The following LYPD6 variants were observed in gnomAD, a reference collection of about 807,000 sequenced individuals.
LYPD6 encodes LY6/PLAUR domain containing 6.
LYPD6 carries 15 observed loss-of-function variants against 22.7 expected under a neutral mutation model. The ratio of observed to expected loss-of-function variants is 0.66; its 90% CI spans 0.44 to 1.02. LYPD6 has a LOEUF of 1.02. LYPD6 is among the 50% of genes least tolerant of loss of function. LYPD6 has a pLI of 0.00. For synonymous variants in LYPD6, 72 were observed against 77.5 expected, an observed-to-expected ratio of 0.93 and a Z score of 0.37; for missense variants, 189 against 208.4, an observed-to-expected ratio of 0.91 and a Z score of 0.57.
At chr2:149,435,256 T>C (rs1683404874) in intron 1 of LYPD6, among the ~76,000 whole-genome samples, 1 of 152,222 alleles carries the variant, frequency 6.6e-6, no homozygotes, top group Non-Finnish European at 1.5e-5. Flanking sequence ...AGCCCCCCAG[T>C]CTATGGTATT....
intron 3 of LYPD6, among the ~76,000 whole-genome samples, chr2:149,461,056 G>A (rs2105174779): frequency 6.6e-6 from 1 of 151,920 alleles, no homozygotes; most frequent in Admixed American, 6.6e-5. Flanking sequence ...CACACATCAA[G>A]AAGATGAAAA....
chr2:149,430,216 C>T (rs902678556), intron 1 of LYPD6, among the ~76,000 whole-genome samples: 1 of 152,212 alleles, frequency 6.6e-6, no homozygotes, highest in South Asian at 2.1e-4. Context: ...TCTCCTGCCT[C>T]AGCATCTGGA....
rs1410820411 is a variant in LYPD6, at chr2:149,449,075, TG to T, written c.146del (p.Cys49PhefsTer98). The T allele has an allele frequency of 4.3e-6, 7 of 1,613,470 alleles. No homozygotes were observed. The African/African-American group carries it at 9.3e-5, about 22-fold the overall frequency. On this transcript the variant is annotated frameshift_variant, in exon 3 of 5. Coordinates refer to ENST00000334166, the MANE Select transcript of LYPD6 (RefSeq NM_194317.5). LOFTEE classifies it high-confidence loss of function. ...STTPYPGGFK[C>X]FTCEKAADNY... ...CACACCATATCCTGGTGGATTTAAA[TG>T]TTTCACCTGTGAAAAGGCAGCAGAC...
intron 1 of LYPD6, among the ~76,000 whole-genome samples, chr2:149,373,185 C>T (rs1293716481): frequency 6.6e-6 from 1 of 151,994 alleles, no homozygotes; most frequent in Non-Finnish European, 1.5e-5. Context: ...CCCAGGAGTC[C>T]TATAGGAGCA....
At chr2:149,408,635 G>C (rs373715890) in intron 1 of LYPD6, among the ~76,000 whole-genome samples, 1 of 152,052 alleles carries the variant, frequency 6.6e-6, no homozygotes, top group African/African-American at 2.4e-5. Flanking sequence ...TGACAGATTG[G>C]GTTAATTTGA....
At chr2:149,401,240 C>A (rs1285544858) in intron 1 of LYPD6, among the ~76,000 whole-genome samples, 1 of 152,186 alleles carries the variant, frequency 6.6e-6, no homozygotes, top group Non-Finnish European at 1.5e-5. Flanking sequence ...TTTCCACTTA[C>A]ATCTCATTGG....
At chr2:149,449,003 G>A in intron 2 of LYPD6, 46 bp from the exon 3 acceptor site, 1 of 1,383,474 alleles carries the variant, frequency 7.2e-7, no homozygotes, top group Non-Finnish European at 1.0e-6. Flanking sequence ...ACAGGATTCT[G>A]TGCCTTGTCT....
At chr2:149,480,645 T>C in the LYPD6 span, among the ~76,000 whole-genome samples, 1 of 152,156 alleles carries the variant, frequency 6.6e-6, no homozygotes, top group Non-Finnish European at 1.5e-5. Flanking sequence ...GCCAGGACCA[T>C]TGTCTGCTTT....
At chr2:149,437,976 G>A in intron 2 of LYPD6, 150 bp downstream of exon 2, 1 of 924,084 alleles carries the variant, frequency 1.1e-6, no homozygotes, top group Non-Finnish European at 1.6e-6. Context: ...GATGTTTTAT[G>A]CTTTACCCTC....
At position 149,357,475 on chromosome 2, in the gene LYPD6, G is replaced by A. The variant is rs183355115; in HGVS notation, c.-72+26753G>A. On this transcript the variant is annotated intron_variant, in intron 1 of 4. Coordinates refer to ENST00000334166, the MANE Select transcript of LYPD6 (RefSeq NM_194317.5). ...TCAGTAATGATCATATTCCCTGAGA[G>A]CTGTTTCTCTGGGCCTGTTGACTGA... 4.6e-5 allele frequency among the ~76,000 whole-genome samples: 7 copies of A among 152,252 alleles called. No homozygotes were observed. The East Asian group carries it at 1.2e-3, about 25-fold the overall frequency.
At chr2:149,423,401 A>C (rs538428637) in intron 1 of LYPD6, among the ~76,000 whole-genome samples, 1 of 152,092 alleles carries the variant, frequency 6.6e-6, no homozygotes, top group African/African-American at 2.4e-5. Flanking sequence ...TGAAGGGGGG[A>C]AATTTTGATA....
At chr2:149,421,373 G>C (rs960556065) in intron 1 of LYPD6, among the ~76,000 whole-genome samples, 7 of 131,426 alleles carry the variant, frequency 5.3e-5, no homozygotes, top group Non-Finnish European at 1.1e-4. Context: ...CTGGGTGACA[G>C]AGCAAGACTC....
At chr2:149,421,538 G>T (rs1005798536) in intron 1 of LYPD6, among the ~76,000 whole-genome samples, 2 of 152,082 alleles carry the variant, frequency 1.3e-5, no homozygotes, top group Non-Finnish European at 2.9e-5. Flanking sequence ...GCACCTACTA[G>T]GTTGAGCCAT....
intron 1 of LYPD6, among the ~76,000 whole-genome samples, chr2:149,393,060 G>C (rs557127711): frequency 6.6e-6 from 1 of 152,180 alleles, no homozygotes; most frequent in Non-Finnish European, 1.5e-5. Context: ...TTTGGCCCAG[G>C]TGCATGGTGA....
At chr2:149,385,220 C>T (rs147008506) in intron 1 of LYPD6, among the ~76,000 whole-genome samples, 5 of 152,126 alleles carry the variant, frequency 3.3e-5, no homozygotes, top group Admixed American at 1.3e-4. Context: ...TGTTCATTAG[C>T]GCCTGATGTA....
intron 1 of LYPD6, among the ~76,000 whole-genome samples, chr2:149,409,513 A>G (rs190272160): frequency 2.6e-5 from 4 of 152,282 alleles, no homozygotes; most frequent in Non-Finnish European, 5.9e-5. Context: ...AGAACTCCCA[A>G]GAGATTATGG....
intron 1 of LYPD6, among the ~76,000 whole-genome samples, chr2:149,418,815 C>G (rs1353139474): frequency 6.6e-6 from 1 of 152,222 alleles, no homozygotes; most frequent in African/African-American, 2.4e-5. Context: ...TAAATGACCA[C>G]TTTCCCCTAC....
At chr2:149,353,115 G>A (rs1681389186) in intron 1 of LYPD6, among the ~76,000 whole-genome samples, 1 of 152,202 alleles carries the variant, frequency 6.6e-6, no homozygotes, top group South Asian at 2.1e-4. Context: ...TTCTTGGCCT[G>A]CTCTTGGTAA....
intron 1 of LYPD6, among the ~76,000 whole-genome samples, chr2:149,405,225 G>C (rs1682672099): frequency 6.6e-6 from 1 of 152,030 alleles, no homozygotes; most frequent in South Asian, 2.1e-4. Flanking sequence ...CCAGGCTTTG[G>C]TATCAGGATG....
Sources: gnomAD v4.1 joint callset for allele counts (sites outside exome capture counted in the v4.1 genomes callset) on GRCh38, gnomAD v4.1.1 for gene constraint, MANE v1.5 for transcripts, NCBI Gene and HGNC (gene_info 2026-07-23, HGNC 2026-07-21) for gene names.